DAB1: variants seen among roughly 807,000 people sequenced by gnomAD.
DAB1 encodes the protein DAB adaptor protein 1, also known as disabled homolog 1.
Under a neutral mutation model 64.6 loss-of-function variants are expected in DAB1, and 15 were observed. That is an observed-to-expected ratio of 0.23 (90% confidence interval 0.16 to 0.36). The LOEUF (loss-of-function observed/expected upper bound fraction) is 0.36. Ranked by LOEUF, DAB1 falls within the 10% of genes least tolerant of loss-of-function variation. The pLI is 1.00. For missense variants in DAB1, 596 were observed against 706.7 expected, an observed-to-expected ratio of 0.84 and a Z score of 1.78; for synonymous variants, 235 against 251.9, an observed-to-expected ratio of 0.93 and a Z score of 0.64.
At chr1:58,285,201 C>T (rs930060568) in intron 4 of DAB1, among the ~76,000 whole-genome samples, 5 of 152,158 alleles carry the variant, frequency 3.3e-5, no homozygotes, top group African/African-American at 1.2e-4. Context: ...CAATGTCATA[C>T]TGAATGGGCA....
At chr1:58,216,770 C>G (rs1305851605) in intron 4 of DAB1, among the ~76,000 whole-genome samples, 9 of 152,144 alleles carry the variant, frequency 5.9e-5, no homozygotes, top group Admixed American at 5.2e-4. Context: ...TTGCATTTCT[C>G]TAATGCAAGG....
At chr1:57,951,317 C>CACATATATATATATATAT (rs1645271478) in intron 5 of DAB1, among the ~76,000 whole-genome samples, 3 of 69,810 alleles carry the variant, frequency 4.3e-5, no homozygotes, top group African/African-American at 1.2e-4. Flanking sequence ...GAGCCTGATT[C>CACATATATATATATATAT]ATATATATAT....
At chr1:57,474,399 A>T (rs1305415401) in intron 7 of DAB1, among the ~76,000 whole-genome samples, 1 of 152,192 alleles carries the variant, frequency 6.6e-6, no homozygotes, top group Non-Finnish European at 1.5e-5. Context: ...CACCCCATTT[A>T]TGTCTGAAAA....
At chr1:57,586,795 T>C (rs1645386171) in intron 7 of DAB1, among the ~76,000 whole-genome samples, 1 of 128,910 alleles carries the variant, frequency 7.8e-6, no homozygotes, top group African/African-American at 2.9e-5. Flanking sequence ...TGCAAACTCC[T>C]CAATACTTTA....
At chr1:57,762,728 T>C (rs1038785903) in intron 6 of DAB1, among the ~76,000 whole-genome samples, 1 of 152,182 alleles carries the variant, frequency 6.6e-6, no homozygotes, top group Non-Finnish European at 1.5e-5. Context: ...GTTCTCAGAG[T>C]ACAAATTTCT....
chr1:57,932,156 C>A (rs1338372578), intron 5 of DAB1, among the ~76,000 whole-genome samples: 1 of 152,028 alleles, frequency 6.6e-6, no homozygotes, highest in African/African-American at 2.4e-5. Flanking sequence ...AGTTTTCCTG[C>A]TATTGATTTC....
At chr1:57,377,133 G>C (rs1680962110) in intron 1 of DAB1, among the ~76,000 whole-genome samples, 1 of 152,130 alleles carries the variant, frequency 6.6e-6, no homozygotes, top group Non-Finnish European at 1.5e-5. Context: ...AGCTGGGCAT[G>C]GTGGCACGTG....
chr1:57,598,855 G>A (rs1558528305), intron 7 of DAB1, among the ~76,000 whole-genome samples: 1 of 152,186 alleles, frequency 6.6e-6, no homozygotes, highest in Non-Finnish European at 1.5e-5. Context: ...TTTAGGAGCT[G>A]ATATGATCGA....
chr1:57,787,156 T>C (rs1355674983), intron 6 of DAB1, among the ~76,000 whole-genome samples: 1 of 152,118 alleles, frequency 6.6e-6, no homozygotes, highest in African/African-American at 2.4e-5. Context: ...AAATAAATTG[T>C]CCGGCTAATT....
At chr1:57,317,474 G>A (rs1333686748) in intron 1 of DAB1, among the ~76,000 whole-genome samples, 1 of 152,132 alleles carries the variant, frequency 6.6e-6, no homozygotes, top group East Asian at 1.9e-4. Flanking sequence ...TAAATAGAAT[G>A]ACCACTTTCA....
intron 2 of DAB1, among the ~76,000 whole-genome samples, chr1:57,164,282 C>A (rs145786715): frequency 4.8e-4 from 73 of 152,126 alleles, no homozygotes; most frequent in African/African-American, 1.8e-3. Context: ...ATAAAAGCAC[C>A]ACAGAATTTT....
chr1:58,145,716 A>G (rs1557670284), intron 5 of DAB1, among the ~76,000 whole-genome samples: 1 of 152,206 alleles, frequency 6.6e-6, no homozygotes, highest in Admixed American at 6.5e-5. Flanking sequence ...TATCAAGGAG[A>G]AAAATAGAAA....
At chr1:58,033,346 C>T (rs1430642803) in intron 5 of DAB1, among the ~76,000 whole-genome samples, 1 of 152,120 alleles carries the variant, frequency 6.6e-6, no homozygotes, top group African/African-American at 2.4e-5. Context: ...CCTTTCATCC[C>T]ACTTATCTGA....
At position 58,490,482 on chromosome 1, in the gene DAB1, T is replaced by C. The variant is rs542781813; in HGVS notation, n.257+15578A>G. Reference sequence around the variant, plus strand: ...TACATCTGATTGGTGTACCTGAAAGTGACAGGGAGAATGGAACCAAGTTGG... The same window carrying C: ...TACATCTGATTGGTGTACCTGAAAGCGACAGGGAGAATGGAACCAAGTTGG... On this transcript the variant is annotated intron_variant and non_coding_transcript_variant, in intron 3 of 20. Coordinates refer to the DAB1 transcript ENST00000485760. Among the ~76,000 whole-genome samples, 4 of 152,296 alleles carry C rather than the reference T, an allele frequency of 2.6e-5. No individual in the cohort carries two copies. The South Asian group carries it at 8.3e-4, about 32-fold the overall frequency.
chr1:58,428,890 G>A (rs1034256512), intron 3 of DAB1, among the ~76,000 whole-genome samples: 14 of 152,134 alleles, frequency 9.2e-5, no homozygotes, highest in Non-Finnish European at 1.9e-4. Context: ...TCAAGAACAG[G>A]CAAAACTCAT....
At chr1:57,286,593 C>G (rs1672334441) in intron 2 of DAB1, among the ~76,000 whole-genome samples, 1 of 152,118 alleles carries the variant, frequency 6.6e-6, no homozygotes, top group South Asian at 2.1e-4. Context: ...GCATATATAG[C>G]TTTTAAAAAG....
intron 1 of DAB1, among the ~76,000 whole-genome samples, chr1:57,370,472 C>T (rs1482145722): frequency 1.3e-5 from 2 of 152,078 alleles, no homozygotes; most frequent in African/African-American, 4.8e-5. Context: ...CTCTAGTTAT[C>T]CAATTTAGGT....
chr1:57,654,802 A>G (rs928980281), intron 6 of DAB1, among the ~76,000 whole-genome samples: 16 of 152,180 alleles, frequency 1.1e-4, no homozygotes, highest in Admixed American at 5.9e-4. Context: ...GCTCAGTATT[A>G]AACACTTAAT....
At chr1:58,388,759 G>C (rs772365478) in intron 3 of DAB1, among the ~76,000 whole-genome samples, 3 of 152,180 alleles carry the variant, frequency 2.0e-5, no homozygotes, top group South Asian at 2.1e-4. Flanking sequence ...TGCATTCTCA[G>C]GCTCTTTACC....
Sources: allele counts gnomAD v4.1 joint callset (sites outside exome capture counted in the v4.1 genomes callset), GRCh38; gene constraint gnomAD v4.1.1; transcripts MANE v1.5; gene names NCBI Gene and HGNC (gene_info 2026-07-23, HGNC 2026-07-21).